TMEM117: variants seen among roughly 807,000 people sequenced by gnomAD.
TMEM117 encodes the protein transmembrane protein 117.
Under a neutral mutation model 52.4 loss-of-function variants are expected in TMEM117, and 27 were observed. The observed-to-expected ratio is 0.51, with a 90% CI of 0.38 to 0.71. The LOEUF is 0.71. TMEM117 is among the 30% of genes least tolerant of loss of function. The probability of loss-of-function intolerance (pLI) is 0.00; values close to 1 mark genes in which losing one functional copy is unlikely to be tolerated. For missense variants in TMEM117, 556 were observed against 630.5 expected, an observed-to-expected ratio of 0.88 and a Z score of 1.26; for synonymous variants, 215 against 206.3, an observed-to-expected ratio of 1.04 and a Z score of -0.36.
chr12:44,249,693 C>CT (rs533659102), intron 5 of TMEM117, among the ~76,000 whole-genome samples: 10 of 152,138 alleles, frequency 6.6e-5, no homozygotes, highest in Admixed American at 2.0e-4. Context: ...CACTACACAT[C>CT]TACAACCATC....
chr12:43,924,081 T>C lies in TMEM117; in HGVS notation c.278-20129T>C, dbSNP rs184561683. ...AATAAAATAATGAATTCTGTAGGAG[T>C]GGGATTTCAAACAAAAAATGGCACT... is the stretch of plus-strand genomic sequence containing the variant. On this transcript the variant is annotated intron_variant, in intron 2 of 7. Coordinates refer to ENST00000266534, the MANE Select transcript of TMEM117 (RefSeq NM_032256.3). 1.5e-3 allele frequency among the ~76,000 whole-genome samples: 229 copies of C among 152,006 alleles called. 1 individual carries two copies. The highest frequency in any genetic ancestry group is 5.4e-3 in the African/African-American group (226 of 41,482).
the TMEM117 span, among the ~76,000 whole-genome samples, chr12:43,815,351 T>C: frequency 6.6e-6 from 1 of 152,178 alleles, no homozygotes; most frequent in Admixed American, 6.5e-5. Context: ...TTGTGACGAG[T>C]TGGCAAGAGC....
chr12:43,838,048 T>C (rs973687233), intron 1 of TMEM117, among the ~76,000 whole-genome samples: 3 of 152,238 alleles, frequency 2.0e-5, no homozygotes, highest in African/African-American at 7.2e-5. Flanking sequence ...TTGCTTTTTA[T>C]TTAAAAGCCC....
intron 5 of TMEM117, among the ~76,000 whole-genome samples, chr12:44,215,639 C>G (rs1949705131): frequency 6.6e-6 from 1 of 151,990 alleles, no homozygotes; most frequent in Non-Finnish European, 1.5e-5. Flanking sequence ...GCTTCTATCC[C>G]CCTGATTTGT....
At chr12:44,397,609 C>T in the TMEM117 span, among the ~76,000 whole-genome samples, 1 of 152,186 alleles carries the variant, frequency 6.6e-6, no homozygotes, top group Non-Finnish European at 1.5e-5. Context: ...TCCCTAGAAG[C>T]TTATTTACAT....
chr12:44,295,010 G>A (rs1322461199), intron 5 of TMEM117, among the ~76,000 whole-genome samples: 1 of 152,096 alleles, frequency 6.6e-6, no homozygotes, highest in Non-Finnish European at 1.5e-5. Flanking sequence ...ATATTCTCTG[G>A]GTGGGTCCTT....
At chr12:44,180,352 CTT>C (rs112698806) in intron 4 of TMEM117, among the ~76,000 whole-genome samples, 130 of 146,188 alleles carry the variant, frequency 8.9e-4, no homozygotes, top group African/African-American at 2.7e-3. Context: ...TACCTGACAT[CTT>C]TTTTTTTTTT....
the TMEM117 span, chr12:43,799,515 AATAGACT>A: frequency 6.9e-7 from 1 of 1,459,690 alleles, no homozygotes; most frequent in Admixed American, 1.8e-5. Context: ...GTAAGTACAG[AATAGACT>A]ATAATCAGTA....
At chr12:44,375,608 T>G (rs140354836) in intron 6 of TMEM117, among the ~76,000 whole-genome samples, 1,983 of 152,324 alleles carry the variant, frequency 0.013, 43 homozygotes, top group African/African-American at 0.045. Flanking sequence ...TCAAATAGAC[T>G]TAATTTCTTT....
chr12:44,204,435 A>G (rs1949537443), intron 4 of TMEM117, among the ~76,000 whole-genome samples: 1 of 152,204 alleles, frequency 6.6e-6, no homozygotes, highest in Admixed American at 6.6e-5. Flanking sequence ...AAATGAATAG[A>G]TAAACATTCT....
chr12:44,215,876 C>T (rs73272268), intron 5 of TMEM117, among the ~76,000 whole-genome samples: 2,876 of 152,100 alleles, frequency 0.019, 79 homozygotes, highest in African/African-American at 0.066. Context: ...CTTTCTCCCC[C>T]CTCTGATTAC....
intron 2 of TMEM117, among the ~76,000 whole-genome samples, chr12:43,863,308 C>A (rs968751132): frequency 2.6e-5 from 4 of 151,902 alleles, no homozygotes; most frequent in African/African-American, 4.8e-5. Flanking sequence ...GTTAATGGAG[C>A]CTAAAGAGTA....
chr12:44,333,600 T>C (rs1951301848), intron 6 of TMEM117, among the ~76,000 whole-genome samples: 1 of 152,028 alleles, frequency 6.6e-6, no homozygotes, highest in Non-Finnish European at 1.5e-5. Context: ...CCTGCCACCA[T>C]GTGAAGAAGG....
At chr12:44,328,366 A>C (rs1424913752) in intron 6 of TMEM117, among the ~76,000 whole-genome samples, 1 of 152,182 alleles carries the variant, frequency 6.6e-6, no homozygotes, top group Non-Finnish European at 1.5e-5. Context: ...TTTGCCATGG[A>C]AGATAAAAAC....
intron 3 of TMEM117, among the ~76,000 whole-genome samples, chr12:43,989,770 ATTATT>A (rs1405821510): frequency 5.9e-5 from 9 of 152,060 alleles, no homozygotes; most frequent in Non-Finnish European, 1.3e-4. Context: ...AATTATTGTT[ATTATT>A]TTAATTTATG....
chr12:44,385,038 C>A (rs1952070587), intron 7 of TMEM117, among the ~76,000 whole-genome samples: 2 of 152,124 alleles, frequency 1.3e-5, no homozygotes, highest in South Asian at 4.1e-4. Flanking sequence ...TGGAAGGCAT[C>A]TAGTTCAGTT....
chr12:44,396,890 AT>A, the TMEM117 span, among the ~76,000 whole-genome samples: 2 of 151,910 alleles, frequency 1.3e-5, no homozygotes, highest in Non-Finnish European at 2.9e-5. Context: ...GAATTGACTC[AT>A]TTATGTAGCA....
In TMEM117 at chr12:44,072,887, C is replaced by T. The variant is rs183026401; in HGVS notation, c.411-70638C>T. ...TGGGCGGATCATGAAGTCAAGAGAT[C>T]GAGACCATCCTGGCCAACATGGTGA... On this transcript the variant is annotated intron_variant, in intron 3 of 7. Coordinates refer to ENST00000266534, the MANE Select transcript of TMEM117 (RefSeq NM_032256.3). 6.2e-3 allele frequency among the ~76,000 whole-genome samples: 938 copies of T among 152,154 alleles called. 13 individuals carry two copies. The highest frequency in any genetic ancestry group is 0.027 in the Admixed American group (405 of 15,280).
chr12:43,889,267 A>G (rs7302694), intron 2 of TMEM117, among the ~76,000 whole-genome samples: 2,082 of 151,696 alleles, frequency 0.014, 35 homozygotes, highest in African/African-American at 0.049. Context: ...ATTTTTAGTA[A>G]AGACGGGGTT....
Sources: allele counts gnomAD v4.1 joint callset (sites outside exome capture counted in the v4.1 genomes callset), GRCh38; gene constraint gnomAD v4.1.1; transcripts MANE v1.5; gene names NCBI Gene and HGNC (gene_info 2026-07-23, HGNC 2026-07-21).